KRT75: variants seen among roughly 807,000 people sequenced by gnomAD.
The protein encoded by KRT75 is keratin, type II cytoskeletal 75.
KRT75 carries 35 observed loss-of-function variants against 48.8 expected under a neutral mutation model. The ratio of observed to expected loss-of-function variants is 0.72; its 90% CI spans 0.55 to 0.95. KRT75 has a LOEUF of 0.95. KRT75 is among the 40% of genes least tolerant of loss of function. The pLI, the probability that KRT75 is intolerant of heterozygous loss-of-function variation, is 0.00. For missense variants in KRT75, 776 were observed against 709.9 expected (o/e 1.09, Z -1.06); for synonymous variants, 301 against 282.3 (o/e 1.07, Z -0.66).
intron 4 of KRT75, 95 bp downstream of exon 4, chr12:52,431,448 G>A: frequency 1.0e-6 from 1 of 967,384 alleles, no homozygotes; most frequent in Non-Finnish European, 1.7e-6. Flanking sequence ...CAAGATGCTG[G>A]GCAGAGGCAC....
intron 5 of KRT75, 72 bp from the exon 6 acceptor site, chr12:52,428,815 C>T: frequency 1.3e-6 from 2 of 1,591,324 alleles, no homozygotes; most frequent in Non-Finnish European, 1.7e-6. Context: ...CACACAGACC[C>T]ACCCTGGGTG....
intron 4 of KRT75, 62 bp downstream of exon 4, chr12:52,431,481 C>A (rs921119778): frequency 7.7e-6 from 9 of 1,166,152 alleles, no homozygotes; most frequent in Non-Finnish European, 1.2e-5. Flanking sequence ...TGGCACAATG[C>A]ATCATCCTTT....
Position 52,431,364 on chromosome 12 carries a change from G to A in KRT75, c.870+179C>T, listed in dbSNP as rs562623132. Among the ~76,000 whole-genome samples the A allele has an allele frequency of 7.3e-4, 111 of 152,278 alleles. 1 individual carries two copies. The highest frequency in any genetic ancestry group is 1.1e-3 in the Non-Finnish European group (74 of 68,010). On this transcript the variant is annotated intron_variant, in intron 4 of 8. Transcript: ENST00000252245. ...GGGGAGAAGCATCAGAGCTGGGGTA[G>A]TTTAGTATGACAAGGCTCCAAGTGG...
intron 1 of KRT75, 94 bp downstream of exon 1, chr12:52,433,713 G>T: frequency 6.3e-7 from 1 of 1,578,694 alleles, no homozygotes; most frequent in Non-Finnish European, 8.7e-7. Context: ...TCCCACAGTG[G>T]GGTCATTGCA....
At chr12:52,430,408 A>T in intron 5 of KRT75, 133 bp downstream of exon 5, 1 of 947,882 alleles carries the variant, frequency 1.1e-6, no homozygotes, top group Non-Finnish European at 1.7e-6. Context: ...AAGTTGTCAT[A>T]GCATCAAAGA....
In KRT75 at chr12:52,424,449, G is replaced by T; in HGVS notation, c.*68C>A. ...CCTTACAAGGAGAGAGGAAGGAGGA[G>T]GACCCTGGTGTCCAGGTGTGACTGC... On this transcript the variant is annotated 3_prime_UTR_variant, in exon 9 of 9. Transcript: ENST00000252245. 7.3e-7 allele frequency: 1 copy of T among 1,365,332 alleles called. No homozygotes were observed. Among genetic ancestry groups the T allele is most frequent in the South Asian group, 1.2e-5 (1 of 86,106 alleles). 84.6% of individuals were successfully genotyped at this position (1,365,332 alleles called of 1,614,324 possible).
chr12:52,428,742 T>C lies in KRT75; in HGVS notation c.1037A>G (p.Tyr346Cys). The C allele has an allele frequency of 6.2e-7, 1 of 1,614,032 alleles. No individual in the cohort carries two copies. The highest frequency in any genetic ancestry group is 1.1e-5 in the South Asian group (1 of 91,062). Residue 346 changes from tyrosine to cysteine, a missense_variant and splice_region_variant, in exon 6 of 9, where the codon TAC becomes TGC. Tyr to Cys is a radical substitution (Grantham distance 194, BLOSUM62 -2). Coordinates refer to ENST00000252245, the MANE Select transcript of KRT75 (RefSeq NM_004693.3). ...AEAESWYQTK[Y>C]EELQVTAGRH... ...GCCTGCGGTGACCTGCAGCTCCTCG[T>C]ACTGAGAGAACCAGAGCAAACCCAG...
chr12:52,430,239 T>C (rs190909606), intron 5 of KRT75, among the ~76,000 whole-genome samples: 2 of 152,286 alleles, frequency 1.3e-5, no homozygotes, highest in East Asian at 3.9e-4. Context: ...ATAAGCCTTT[T>C]AGAAACTGCT....
At chr12:52,432,949 T>C (rs1375116722) in intron 2 of KRT75, 89 bp downstream of exon 2, 2 of 1,322,968 alleles carry the variant, frequency 1.5e-6, no homozygotes, top group East Asian at 2.3e-5. Context: ...CCGGCTGATA[T>C]CGGCATTTGC....
At position 52,433,963 on chromosome 12, in the gene KRT75, G is replaced by A. The variant is rs200902140; in HGVS notation, c.342C>T (p.Pro114=). The change falls in exon 1 of 9, where the codon CCC becomes CCT. Residue 114 remains proline, a synonymous_variant. Transcript: ENST00000252245. The part of the protein sequence containing the change: ...VGGGFSGPSF[P]VCPPGGIQEV... Reference sequence around the variant, plus strand: ...CTTGGATGCCTCCAGGGGGACACACGGGGAAGCTGGGGCCACTGAAGCCTC... The same window carrying A: ...CTTGGATGCCTCCAGGGGGACACACAGGGAAGCTGGGGCCACTGAAGCCTC... The A allele has an allele frequency of 1.6e-5, 26 of 1,614,152 alleles. No individual in the cohort carries two copies. The Admixed American group carries it at 2.0e-4, about 12-fold the overall frequency.
chr12:52,431,714 C>A, intron 3 of KRT75, 76 bp from the exon 4 acceptor site: 1 of 1,138,390 alleles, frequency 8.8e-7, no homozygotes, highest in Non-Finnish European at 1.3e-6. Flanking sequence ...GAGCAGATTT[C>A]TCCCCAGCCC....
At chr12:52,431,249 T>G (rs1940140656) in intron 4 of KRT75, among the ~76,000 whole-genome samples, 1 of 152,070 alleles carries the variant, frequency 6.6e-6, no homozygotes, top group Non-Finnish European at 1.5e-5. Context: ...TATGTGTTGA[T>G]TCCTTGGGAA....
intron 5 of KRT75, 52 bp from the exon 6 acceptor site, chr12:52,428,795 A>G: frequency 6.2e-7 from 1 of 1,612,272 alleles, no homozygotes; most frequent in Non-Finnish European, 8.5e-7. Context: ...TGGCCCAGGC[A>G]CTCGCTGTGC....
chr12:52,424,629 CCTG>C lies in KRT75; in HGVS notation c.1541_1543del (p.Ala514del), dbSNP rs1940054351. ...GGCACTGAATCCAGAACCTCCCAGG[CCTG>C]CACCCAGGCTATGCCCACCACTGGT... On this transcript the variant is annotated inframe_deletion, in exon 9 of 9. Transcript: ENST00000252245. 1 of 1,614,100 alleles carries C rather than the reference CCTG, an allele frequency of 6.2e-7. No individual in the cohort carries two copies. The highest frequency in any genetic ancestry group is 8.5e-7 in the Non-Finnish European group (1 of 1,180,034).
Position 52,429,742 on chromosome 12 carries a change from C to T in KRT75, c.1035+799G>A, listed in dbSNP as rs141488025. Among the ~76,000 whole-genome samples the T allele has an allele frequency of 3.6e-3, 547 of 152,294 alleles. 2 individuals carry two copies. The highest frequency in any genetic ancestry group is 0.012 in the African/African-American group (499 of 41,554). Reference sequence around the variant, plus strand: ...CTGCTACCCACCTTCCTTTCCACCACACTCCTGACCAGAAGGGATGAGGCA... The same window carrying T: ...CTGCTACCCACCTTCCTTTCCACCATACTCCTGACCAGAAGGGATGAGGCA... On this transcript the variant is annotated intron_variant, in intron 5 of 8. Coordinates refer to ENST00000252245, the MANE Select transcript of KRT75 (RefSeq NM_004693.3).
Position 52,430,721 on chromosome 12 carries a change from C to T in KRT75, c.871-16G>A. The T allele has an allele frequency of 1.2e-6, 2 of 1,614,086 alleles. No homozygotes were observed. Among genetic ancestry groups the T allele is most frequent in the South Asian group, 1.1e-5 (1 of 91,076 alleles). ...GGGACAGCTCCTGCAGGGCAGTAAA[C>T]TCAGCATCACCAAGGCATAAGATGA... On this transcript the variant is annotated splice_polypyrimidine_tract_variant and intron_variant, in intron 4 of 8. Coordinates refer to ENST00000252245, the MANE Select transcript of KRT75 (RefSeq NM_004693.3).
At chr12:52,427,179 C>A (rs1940085349) in intron 7 of KRT75, among the ~76,000 whole-genome samples, 1 of 152,190 alleles carries the variant, frequency 6.6e-6, no homozygotes, top group Non-Finnish European at 1.5e-5. Context: ...AAGGGCCTGT[C>A]CTATAATAAG....
chr12:52,425,458 C>A (rs1940065545), intron 8 of KRT75, among the ~76,000 whole-genome samples: 2 of 152,206 alleles, frequency 1.3e-5, no homozygotes, highest in African/African-American at 4.8e-5. Flanking sequence ...GCAGGTATAA[C>A]CAAGTTAAGA....
intron 5 of KRT75, among the ~76,000 whole-genome samples, chr12:52,429,630 G>A (rs773794776): frequency 6.6e-6 from 1 of 152,154 alleles, no homozygotes. Context: ...GTTTGCTATC[G>A]ATTTCAACCA....
Sources: allele counts gnomAD v4.1 joint callset (sites outside exome capture counted in the v4.1 genomes callset), GRCh38; gene constraint gnomAD v4.1.1; transcripts MANE v1.5; gene names NCBI Gene and HGNC (gene_info 2026-07-23, HGNC 2026-07-21).